The following PRELID2 variants were observed in gnomAD, a reference collection of about 807,000 sequenced individuals.
PRELID2 encodes PRELI domain-containing protein 2.
PRELID2 carries 25 observed loss-of-function variants against 28.4 expected under a neutral mutation model. That is an observed-to-expected ratio of 0.88 (90% CI 0.64 to 1.23). The LOEUF (loss-of-function observed/expected upper bound fraction) is 1.23. Among genes scored for constraint, PRELID2 ranks in the 50% most tolerant of loss-of-function variants. The pLI is 0.00. For synonymous variants in PRELID2, 76 were observed against 71.6 expected (o/e 1.06, Z -0.31); for missense variants, 201 against 214.4 (o/e 0.94, Z 0.39).
At chr5:145,239,457 C>T in the PRELID2 span, among the ~76,000 whole-genome samples, 9 of 152,108 alleles carry the variant, frequency 5.9e-5, no homozygotes, top group African/African-American at 2.2e-4. Flanking sequence ...GTATCCTACA[C>T]TTAGACAAAA....
At chr5:145,528,503 C>T (rs1752627306) in intron 1 of PRELID2, among the ~76,000 whole-genome samples, 1 of 151,662 alleles carries the variant, frequency 6.6e-6, no homozygotes. Context: ...AGAGAGAGCA[C>T]ATACATGCAA....
chr5:145,468,454 AT>A (rs1330625571), downstream of PRELID2, among the ~76,000 whole-genome samples: 2 of 152,188 alleles, frequency 1.3e-5, no homozygotes, highest in African/African-American at 2.4e-5. Context: ...GCTGGGTCAA[AT>A]GGTATTTCTA....
chr5:145,592,501 T>C (rs746561679), intron 1 of PRELID2, among the ~76,000 whole-genome samples: 4 of 151,962 alleles, frequency 2.6e-5, no homozygotes, highest in Admixed American at 2.0e-4. Flanking sequence ...CACATTGCTA[T>C]GGAGTGATGA....
chr5:145,659,535 G>A (rs1256539309), intron 1 of PRELID2, among the ~76,000 whole-genome samples: 3 of 152,216 alleles, frequency 2.0e-5, no homozygotes, highest in African/African-American at 4.8e-5. Context: ...CAAAACTGTA[G>A]GCTGGTAGGA....
At chr5:145,778,867 T>A (rs984708225) in intron 5 of PRELID2, among the ~76,000 whole-genome samples, 3 of 152,092 alleles carry the variant, frequency 2.0e-5, no homozygotes, top group South Asian at 2.1e-4. Context: ...CAGCCACAGG[T>A]TTCCAGCCAG....
intron 1 of PRELID2, among the ~76,000 whole-genome samples, chr5:145,712,483 TA>T (rs1474440322): frequency 6.6e-6 from 1 of 152,204 alleles, no homozygotes; most frequent in Non-Finnish European, 1.5e-5. Flanking sequence ...ATCCAGGTGT[TA>T]AACATCAACT....
chr5:145,316,081 G>A, the PRELID2 span, among the ~76,000 whole-genome samples: 4 of 152,210 alleles, frequency 2.6e-5, no homozygotes, highest in South Asian at 8.3e-4. Context: ...AGCAATGTCA[G>A]ATATGTAGCT....
intron 1 of PRELID2, among the ~76,000 whole-genome samples, chr5:145,490,527 A>G (rs912090949): frequency 2.0e-5 from 3 of 152,228 alleles, no homozygotes; most frequent in African/African-American, 7.2e-5. Context: ...ATATGTAGTA[A>G]CAGTAATCAG....
At chr5:145,316,327 C>T in the PRELID2 span, among the ~76,000 whole-genome samples, 4 of 152,152 alleles carry the variant, frequency 2.6e-5, no homozygotes, top group Non-Finnish European at 5.9e-5. Flanking sequence ...CATTGATAAA[C>T]CAGTGACATT....
the PRELID2 span, among the ~76,000 whole-genome samples, chr5:145,431,883 A>G: frequency 6.6e-6 from 1 of 152,326 alleles, no homozygotes; most frequent in East Asian, 1.9e-4. Flanking sequence ...ACAGATATAC[A>G]GGGATGTTCA....
chr5:145,522,233 A>C (rs979948771), intron 1 of PRELID2, among the ~76,000 whole-genome samples: 1 of 152,222 alleles, frequency 6.6e-6, no homozygotes, highest in Non-Finnish European at 1.5e-5. Flanking sequence ...TATTTGAACT[A>C]TATCTATCCA....
intron 1 of PRELID2, among the ~76,000 whole-genome samples, chr5:145,715,943 A>T (rs1462452674): frequency 6.6e-6 from 1 of 152,120 alleles, no homozygotes; most frequent in East Asian, 1.9e-4. Context: ...TTTAGGTCTA[A>T]CCAAGCTTGT....
chr5:145,791,946 T>C (rs1039711859), intron 5 of PRELID2, among the ~76,000 whole-genome samples: 10 of 152,036 alleles, frequency 6.6e-5, no homozygotes, highest in African/African-American at 1.9e-4. Flanking sequence ...AGACGACAGA[T>C]GCTGAGGCCT....
chr5:145,749,134 T>C (rs1378137241), intron 1 of PRELID2, among the ~76,000 whole-genome samples: 2 of 151,626 alleles, frequency 1.3e-5, no homozygotes, highest in Non-Finnish European at 3.0e-5. Flanking sequence ...TGGGATCTAA[T>C]TAAAGAGCTT....
chr5:145,572,603 C>G (rs993885815), intron 1 of PRELID2, among the ~76,000 whole-genome samples: 1 of 151,864 alleles, frequency 6.6e-6, no homozygotes, highest in South Asian at 2.1e-4. Flanking sequence ...TTTATTTTTC[C>G]CAATAACTGC....
rs975304996 is a variant in PRELID2, at chr5:145,758,067, G to A, written c.*2469C>T. On this transcript the variant is annotated 3_prime_UTR_variant, in exon 7 of 7. Coordinates refer to ENST00000683046, the MANE Select transcript of PRELID2 (RefSeq NM_205846.3). ...TAGGCCTGTCCTTAACACTCTGGAA[G>A]CAGAGGCTAAAAACTACTGGCTGGC... Among the ~76,000 whole-genome samples the A allele has an allele frequency of 6.6e-6, 1 of 152,172 alleles. No individual in the cohort carries two copies. Among genetic ancestry groups the A allele is most frequent in the African/African-American group, 2.4e-5 (1 of 41,458 alleles).
chr5:145,577,554 G>GAAGAAA (rs1332449376), intron 1 of PRELID2, among the ~76,000 whole-genome samples: 11 of 151,714 alleles, frequency 7.3e-5, no homozygotes, highest in Admixed American at 5.9e-4. Context: ...AATACAGTCA[G>GAAGAAA]AAGAAAAAGA....
intron 5 of PRELID2, among the ~76,000 whole-genome samples, chr5:145,785,788 G>GT (rs1751955404): frequency 6.6e-6 from 1 of 152,216 alleles, no homozygotes; most frequent in Non-Finnish European, 1.5e-5. Flanking sequence ...CCATCAGGGT[G>GT]TAAGTCTCTA....
At chr5:145,536,609 A>G (rs1752701063) in intron 1 of PRELID2, among the ~76,000 whole-genome samples, 1 of 151,898 alleles carries the variant, frequency 6.6e-6, no homozygotes, top group Non-Finnish European at 1.5e-5. Context: ...ACAAGGGAAG[A>G]GAGGAAAAGA....
Sources: gnomAD v4.1 joint callset for allele counts (sites outside exome capture counted in the v4.1 genomes callset) on GRCh38, gnomAD v4.1.1 for gene constraint, MANE v1.5 for transcripts, NCBI Gene and HGNC (gene_info 2026-07-23, HGNC 2026-07-21) for gene names.